CELSR2: variants seen among roughly 807,000 people sequenced by gnomAD.
CELSR2 encodes cadherin EGF LAG seven-pass G-type receptor 2, also known as EGF-like protein 2.
A neutral mutation model predicts 251.6 loss-of-function variants in CELSR2; 81 were observed. That is an observed-to-expected ratio of 0.32 (90% confidence interval 0.27 to 0.39). The LOEUF (loss-of-function observed/expected upper bound fraction) is 0.39. Among genes scored for constraint, CELSR2 ranks in the 10% least tolerant of loss-of-function variants. The pLI is 1.00. For missense variants in CELSR2, 3,365 were observed against 3,947.7 expected, an observed-to-expected ratio of 0.85 and a Z score of 3.96; for synonymous variants, 1,721 against 1,670.5, an observed-to-expected ratio of 1.03 and a Z score of -0.74.
chr1:109,253,356 C>T lies in CELSR2; in HGVS notation c.3277C>T (p.Pro1093Ser). 1 of 1,613,118 alleles carries T rather than the reference C, an allele frequency of 6.2e-7. No homozygotes were observed. The highest frequency in any genetic ancestry group is 8.5e-7 in the Non-Finnish European group (1 of 1,180,008). ...AAGCCGCGCACTGGACAACAACCGG[C>T]CTCTGGAGGCCATCATGAGCGTGCT... ...KLSRALDNNR[P>S]LEAIMSVLVS... Residue 1093 changes from proline to serine, a missense_variant, in exon 1 of 34, where the codon CCT becomes TCT. Physicochemically the swap from Pro to Ser is moderately conservative, Grantham distance 74. Around this residue, in one of 5 missense-constraint regions of CELSR2, gnomAD observed 505 missense variants for 660.0 expected, o/e 0.77. Transcript: ENST00000271332.
rs1656421664 is a variant in CELSR2 at position 109,273,166 on chromosome 1, A to AT, written c.8340dup (p.Gly2781TrpfsTer22). 1 of 1,609,346 alleles carries AT rather than the reference A, an allele frequency of 6.2e-7. No individual in the cohort carries two copies. Among genetic ancestry groups the AT allele is most frequent in the South Asian group, 1.1e-5 (1 of 90,606 alleles). On this transcript the variant is annotated frameshift_variant and splice_region_variant, in exon 32 of 34. Transcript: ENST00000271332. LOFTEE classifies it high-confidence loss of function. The stretch of plus-strand genomic sequence containing the variant: ...CTCATCTACTTCCTTTCCCCACCAG[A>AT]TGGGGGCCCAGGGCCTGGCAAGGCC...
Position 109,252,308 on chromosome 1 carries a change from G to C in CELSR2, c.2229G>C (p.Glu743Asp). The change falls in exon 1 of 34, where the codon GAG becomes GAC. Residue 743 changes from glutamate to aspartate, a missense_variant. Physicochemically the swap from Glu to Asp is conservative, Grantham distance 45 (BLOSUM62 2). Transcript: ENST00000271332. The surrounding 1 kb of genome is among the most constrained non-coding windows in gnomAD (Gnocchi z 4.8). ...GCGCCACGGATGAGGACACAGGTGA[G>C]AATGCCCGCATCACCTACTTCATGG... ...LISATDEDTG[E>D]NARITYFMED... 6.2e-7 allele frequency: 1 copy of C among 1,613,182 alleles called. No individual in the cohort carries two copies. The highest frequency in any genetic ancestry group is 8.5e-7 in the Non-Finnish European group (1 of 1,180,024).
Position 109,268,146 on chromosome 1 carries a change from G to T in CELSR2, c.6318+86G>T, listed in dbSNP as rs938265257. The T allele has an allele frequency of 4.7e-6, 7 of 1,500,998 alleles. No homozygotes were observed. In the African/African-American group the frequency reaches 6.8e-5, roughly 15 times the overall value. 93.0% of individuals were successfully genotyped at this position (1,500,998 alleles called of 1,614,324 possible). ...TCATGGCAACCTGGGGGGCAGAGGGGGCCCTCCCATCCCACCTACAAGGAG... is the reference window on the plus strand; with the variant it reads ...TCATGGCAACCTGGGGGGCAGAGGGTGCCCTCCCATCCCACCTACAAGGAG... On this transcript the variant is annotated intron_variant, in intron 17 of 33. Coordinates refer to ENST00000271332, the MANE Select transcript of CELSR2 (RefSeq NM_001408.3).
chr1:109,258,981 C>T lies in CELSR2; in HGVS notation c.3860C>T (p.Thr1287Ile). ...PPGFTGDYCETEVDLCYSRPC... is the reference protein window; with the variant it reads ...PPGFTGDYCEIEVDLCYSRPC... ...GGCTTCACGGGTGACTACTGCGAGA[C>T]CGAGGTGGACCTCTGCTACTCGCGG... Residue 1287 changes from threonine (T) to isoleucine (I), a missense_variant, in exon 2 of 34, where the codon ACC becomes ATC. By Grantham distance (89) the Thr-to-Ile change is moderately conservative. This residue lies in a region of CELSR2 where 2,093 missense variants were observed against 2,382.8 expected (regional missense o/e 0.88). Transcript: ENST00000271332. The T allele has an allele frequency of 1.9e-6, 3 of 1,609,188 alleles. No homozygotes were observed. The highest frequency in any genetic ancestry group is 2.5e-6 in the Non-Finnish European group (3 of 1,179,492).
Position 109,267,531 on chromosome 1 carries a change from T to C in CELSR2, c.6014-17T>C. On this transcript the variant is annotated splice_polypyrimidine_tract_variant and intron_variant, in intron 15 of 33. Coordinates refer to ENST00000271332, the MANE Select transcript of CELSR2 (RefSeq NM_001408.3). ...TGTGTCTCCCTGAGGCCGGCCCTTT[T>C]GGCTTCCTTCCCCCAGGGACTGCTG... 1 of 1,611,768 alleles carries C rather than the reference T, an allele frequency of 6.2e-7. No individual in the cohort carries two copies. Among genetic ancestry groups the C allele is most frequent in the East Asian group, 2.2e-5 (1 of 44,856 alleles).
Position 109,250,058 on chromosome 1 carries a change from C to T in CELSR2, c.-22C>T. The T allele has an allele frequency of 7.5e-7, 1 of 1,327,910 alleles. No homozygotes were observed. Among genetic ancestry groups the T allele is most frequent in the Non-Finnish European group, 9.5e-7 (1 of 1,047,456 alleles). The allele number at this position is 1,327,910 out of a possible 1,614,324, so 82.3% of individuals were successfully genotyped here. A position where few individuals can be genotyped will look rare whatever the true frequency, so the allele number is the denominator to read the frequency against. ...GAGCCGCCGCCGCCGTTGACCCGGC[C>T]GCCGGCCGGGAGCTGGGAGAGATGC... On this transcript the variant is annotated 5_prime_UTR_variant, in exon 1 of 34. Coordinates refer to ENST00000271332, the MANE Select transcript of CELSR2 (RefSeq NM_001408.3). This position sits in a 1 kb window ranked among gnomAD's most constrained non-coding sequence, Gnocchi z 4.4.
Position 109,268,954 on chromosome 1 carries a change from G to A in CELSR2, c.6577G>A (p.Glu2193Lys). ...GCCCCGCTACGAGGCCCTGCGTGGGGAGCAGCCCCCGGACCTTGAGACAAC... is the reference window on the plus strand; with the variant it reads ...GCCCCGCTACGAGGCCCTGCGTGGGAAGCAGCCCCCGGACCTTGAGACAAC... The part of the protein sequence containing the change: ...KLPRYEALRG[E>K]QPPDLETTVI... The change falls in exon 19 of 34, where the codon GAG becomes AAG. Residue 2193 changes from glutamate to lysine, a missense_variant. Glu to Lys is a moderately conservative substitution (Grantham distance 56). This residue lies in a region of CELSR2 where 2,093 missense variants were observed against 2,382.8 expected (regional missense o/e 0.88). Transcript: ENST00000271332. 1.2e-6 allele frequency: 2 copies of A among 1,613,680 alleles called. No homozygotes were observed. The highest frequency in any genetic ancestry group is 1.1e-5 in the South Asian group (1 of 91,056).
chr1:109,252,207 C>T lies in CELSR2; in HGVS notation c.2128C>T (p.Pro710Ser). The change falls in exon 1 of 34, where the codon CCT becomes TCT. Residue 710 changes from proline to serine, a missense_variant. By Grantham distance (74) the Pro-to-Ser change is moderately conservative. This residue lies in a region of CELSR2 where 505 missense variants were observed against 660.0 expected (regional missense o/e 0.77). Coordinates refer to ENST00000271332, the MANE Select transcript of CELSR2 (RefSeq NM_001408.3). The surrounding 1 kb of genome is among the most constrained non-coding windows in gnomAD (Gnocchi z 4.8). Reference protein sequence around the residue: ...VNVTDANTHRPVFQSSHYTVN... With the variant: ...VNVTDANTHRSVFQSSHYTVN... ...TGTCACCGACGCCAACACCCATCGT[C>T]CTGTCTTTCAGAGCTCCCACTATAC... 6.2e-7 allele frequency: 1 copy of T among 1,613,770 alleles called. No individual in the cohort carries two copies. The highest frequency in any genetic ancestry group is 8.5e-7 in the Non-Finnish European group (1 of 1,180,050).
chr1:109,265,960 G>A, intron 14 of CELSR2, 42 bp downstream of exon 14: 4 of 1,594,658 alleles, frequency 2.5e-6, no homozygotes, highest in Non-Finnish European at 3.4e-6. Flanking sequence ...CTTACAGTGT[G>A]CTAGGCACCT....
Position 109,261,371 on chromosome 1 carries a change from C to T in CELSR2, c.4181+107C>T. The T allele has an allele frequency of 7.3e-7, 1 of 1,374,332 alleles. No homozygotes were observed. Among genetic ancestry groups the T allele is most frequent in the Non-Finnish European group, 1.0e-6 (1 of 976,654 alleles). 85.1% of individuals were successfully genotyped at this position (1,374,332 alleles called of 1,614,324 possible). A position where few individuals can be genotyped will look rare whatever the true frequency, so the allele number is the denominator to read the frequency against. On this transcript the variant is annotated intron_variant, in intron 3 of 33. Transcript: ENST00000271332. The surrounding 1 kb of genome is among the most constrained non-coding windows in gnomAD (Gnocchi z 4.8). ...TCAGGCAGTGAAAGCGTGGAGCAGG[C>T]TGCCGGCAGAGCCAGGTCTGCTCTT...
At position 109,250,614 on chromosome 1, in the gene CELSR2, C is replaced by G; in HGVS notation, c.535C>G (p.Pro179Ala). ...GRRKRNVNTA[P>A]QFQPPSYQAT... is the part of the protein sequence containing the mutation. ...TCGGAAAAGGAATGTAAATACAGCC[C>G]CCCAGTTCCAGCCCCCCAGCTACCA... The change falls in exon 1 of 34, where the codon CCC (proline) becomes GCC (alanine). Residue 179 changes from proline to alanine, a missense_variant. Physicochemically the swap from Pro to Ala is conservative, Grantham distance 27. Transcript: ENST00000271332. This position sits in a 1 kb window ranked among gnomAD's most constrained non-coding sequence, Gnocchi z 4.4. The G allele has an allele frequency of 6.2e-7, 1 of 1,613,990 alleles. No individual in the cohort carries two copies. The highest frequency in any genetic ancestry group is 8.5e-7 in the Non-Finnish European group (1 of 1,179,996).
Position 109,259,034 on chromosome 1 carries a change from A to T in CELSR2, c.3913A>T (p.Ser1305Cys). 1 of 1,596,876 alleles carries T rather than the reference A, an allele frequency of 6.3e-7. No individual in the cohort carries two copies. The highest frequency in any genetic ancestry group is 8.5e-7 in the Non-Finnish European group (1 of 1,176,396). The change falls in exon 2 of 34, where the codon AGC becomes TGC. Residue 1305 changes from serine (S) to cysteine (C), a missense_variant. Transcript: ENST00000271332. The stretch of plus-strand genomic sequence containing the variant: ...CTGTGGCCCCCACGGGCGCTGCCGC[A>T]GCCGCGAGGGCGGCTACACCTGCCT... Reference protein sequence around the residue: ...RPCGPHGRCRSREGGYTCLCR... With the variant: ...RPCGPHGRCRCREGGYTCLCR...
At chr1:109,267,260 A>G (rs901638906) in intron 15 of CELSR2, among the ~76,000 whole-genome samples, 2 of 152,132 alleles carry the variant, frequency 1.3e-5, no homozygotes, top group African/African-American at 2.4e-5. Flanking sequence ...GAGCAGGTTC[A>G]TAGGCAGGAA....
chr1:109,270,496 A>C lies in CELSR2; in HGVS notation c.7379A>C (p.Glu2460Ala), dbSNP rs750900736. The C allele has an allele frequency of 6.2e-6, 10 of 1,614,030 alleles. No individual in the cohort carries two copies. The East Asian group carries it at 2.0e-4, about 32-fold the overall frequency. ...YLCTFSWALL[E>A]ALHLYRALTE... Reference sequence around the variant, plus strand: ...TGCACCTTTTCCTGGGCTCTGCTGGAGGCCTTGCACCTGTACCGGGCACTC... The same window carrying C: ...TGCACCTTTTCCTGGGCTCTGCTGGCGGCCTTGCACCTGTACCGGGCACTC... Residue 2460 changes from glutamate to alanine, a missense_variant, in exon 24 of 34, where the codon GAG (glutamate) becomes GCG (alanine). This residue lies in a region of CELSR2 where 2,093 missense variants were observed against 2,382.8 expected (regional missense o/e 0.88). Transcript: ENST00000271332.
At chr1:109,253,439 G>T in intron 1 of CELSR2, 50 bp downstream of exon 1, 1 of 1,561,626 alleles carries the variant, frequency 6.4e-7, no homozygotes, top group Non-Finnish European at 8.6e-7. Flanking sequence ...CGCGGGGATG[G>T]TCTGGGCAGC....
chr1:109,254,275 A>AC (rs1428739064), intron 1 of CELSR2, among the ~76,000 whole-genome samples: 1 of 151,568 alleles, frequency 6.6e-6, no homozygotes, highest in Non-Finnish European at 1.5e-5. Flanking sequence ...GAGGGCAGAG[A>AC]CCCCAAGGCA....
intron 2 of CELSR2, among the ~76,000 whole-genome samples, chr1:109,260,799 G>T (rs974449332): frequency 6.6e-6 from 1 of 152,212 alleles, no homozygotes; most frequent in Non-Finnish European, 1.5e-5. Context: ...GAACTTGCAG[G>T]GGAGCAGTGC....
rs79263647 is a variant in CELSR2, at chr1:109,263,368, G to A, written c.4834+101G>A. The A allele has an allele frequency of 5.3e-3, 7,821 of 1,474,660 alleles. 34 individuals are homozygous for A. The highest frequency in any genetic ancestry group is 7.1e-3 in the Middle Eastern group (32 of 4,500). 91.3% of individuals were successfully genotyped at this position (1,474,660 alleles called of 1,614,324 possible). A position where few individuals can be genotyped will look rare whatever the true frequency, so the allele number is the denominator to read the frequency against. ...ACTGGGCAGGGCTCTGCTGAGCGGG[G>A]CTGTGGGTGGAAAAGCGTGTCTGGG... On this transcript the variant is annotated intron_variant, in intron 8 of 33. Transcript: ENST00000271332.
rs142245607 is a variant in CELSR2, at chr1:109,265,593, G to A, written c.5728-142G>A. On this transcript the variant is annotated intron_variant, in intron 13 of 33. Transcript: ENST00000271332. ...CTGATGGGCTCAACTCCAAAGCATT[G>A]CTAGTGTTAATTATTTTGAATACTG... 225 of 1,024,318 alleles carry A rather than the reference G, an allele frequency of 2.2e-4. 2 individuals are homozygous for A. The East Asian group carries it at 5.7e-3, about 26-fold the overall frequency. 63.5% of individuals were successfully genotyped at this position (1,024,318 alleles called of 1,614,324 possible).
Sources: gnomAD v4.1 joint callset for allele counts (sites outside exome capture counted in the v4.1 genomes callset) on GRCh38, gnomAD v4.1.1 for gene constraint, gnomAD v4.1.1 regional missense constraint, Gnocchi (gnomAD v3.1) non-coding constraint, MANE v1.5 for transcripts, NCBI Gene and HGNC (gene_info 2026-07-23, HGNC 2026-07-21) for gene names.